AGXT2: variants seen among roughly 807,000 people sequenced by gnomAD.
AGXT2 encodes the protein alanine--glyoxylate aminotransferase 2, mitochondrial.
In AGXT2, 61 loss-of-function variants were observed where a neutral mutation model predicts 62.5. The ratio of observed to expected loss-of-function variants is 0.98; its 90% confidence interval spans 0.79 to 1.21. The LOEUF (loss-of-function observed/expected upper bound fraction) is 1.21. AGXT2 is among the 50% of genes most tolerant of loss of function. The pLI, the probability that AGXT2 is intolerant of heterozygous loss-of-function variation, is 0.00. For synonymous variants in AGXT2, 243 were observed against 218.7 expected (o/e 1.11, Z -0.98); for missense variants, 666 against 641.5 (o/e 1.04, Z -0.41).
intron 10 of AGXT2, among the ~76,000 whole-genome samples, chr5:35,013,687 C>T (rs1173327130): frequency 6.6e-6 from 1 of 150,638 alleles, no homozygotes; most frequent in Non-Finnish European, 1.5e-5. Context: ...GAGGCTGAGG[C>T]AGGAGAATTG....
At chr5:35,039,581 C>CT in intron 2 of AGXT2, 73 bp from the exon 3 acceptor site, 1 of 1,512,410 alleles carries the variant, frequency 6.6e-7, no homozygotes, top group Non-Finnish European at 9.1e-7. Context: ...AGTAACAGAG[C>CT]CCAGGCTCTC....
intron 12 of AGXT2, among the ~76,000 whole-genome samples, chr5:35,006,590 G>A (rs563066019): frequency 1.3e-5 from 2 of 152,212 alleles, no homozygotes; most frequent in South Asian, 2.1e-4. Context: ...TGAGGAATCC[G>A]CCCCCATGAT....
At chr5:35,013,857 C>A in intron 10 of AGXT2, 130 bp downstream of exon 10, 1 of 1,353,216 alleles carries the variant, frequency 7.4e-7, no homozygotes, top group Non-Finnish European at 1.1e-6. Flanking sequence ...TTCTCTCTTT[C>A]ATTTGCTTGG....
At chr5:35,015,586 A>C (rs1335454989) in intron 9 of AGXT2, among the ~76,000 whole-genome samples, 1 of 152,128 alleles carries the variant, frequency 6.6e-6, no homozygotes, top group East Asian at 1.9e-4. Context: ...ACGGTGGCTC[A>C]TGCCTGTAAT....
rs987013641 is a variant in AGXT2, at chr5:35,005,449, G to A, written c.1339-1588C>T. On this transcript the variant is annotated intron_variant, in intron 12 of 13. Coordinates refer to ENST00000231420, the MANE Select transcript of AGXT2 (RefSeq NM_031900.4). ...TCACTATGTTGGCCAGGCTGGTCTC[G>A]AACTCCTGACCTCAAGTGATCCACC... Among the ~76,000 whole-genome samples, 10 of 152,058 alleles carry A rather than the reference G, an allele frequency of 6.6e-5. No individual in the cohort carries two copies. The East Asian group carries it at 1.7e-3, about 26-fold the overall frequency.
intron 7 of AGXT2, among the ~76,000 whole-genome samples, chr5:35,028,562 A>T (rs1179934589): frequency 7.4e-4 from 3 of 4,064 alleles, no homozygotes; most frequent in African/African-American, 3.7e-3. Flanking sequence ...GAAAGGTGAG[A>T]GAGAGAGAGA....
Position 35,039,493 on chromosome 5 carries a change from G to C in AGXT2, c.193C>G (p.Arg65Gly). 1 of 1,613,850 alleles carries C rather than the reference G, an allele frequency of 6.2e-7. No homozygotes were observed. The highest frequency in any genetic ancestry group is 8.5e-7 in the Non-Finnish European group (1 of 1,179,842). ...PERYQSLGYN[R>G]VLEIHKEHLS... ...TGTTCCTTGTGGATTTCCAGGACACGGTTGTAGCCAAGGGACTGTAGATAA... is the reference window on the plus strand; with the variant it reads ...TGTTCCTTGTGGATTTCCAGGACACCGTTGTAGCCAAGGGACTGTAGATAA... Residue 65 changes from arginine (R) to glycine (G), a missense_variant, in exon 3 of 14, where the codon CGT becomes GGT. Coordinates refer to ENST00000231420, the MANE Select transcript of AGXT2 (RefSeq NM_031900.4).
chr5:35,002,440 C>T (rs1395833536), intron 13 of AGXT2, among the ~76,000 whole-genome samples: 1 of 152,158 alleles, frequency 6.6e-6, no homozygotes, highest in African/African-American at 2.4e-5. Context: ...TTTCTGGAAC[C>T]TTCAGGGAAG....
chr5:35,030,638 G>A (rs559030363), intron 7 of AGXT2, among the ~76,000 whole-genome samples: 1 of 152,342 alleles, frequency 6.6e-6, no homozygotes, highest in South Asian at 2.1e-4. Flanking sequence ...GATGACCATG[G>A]ATTTCTGGTA....
At chr5:35,031,819 T>C (rs1341538216) in intron 7 of AGXT2, among the ~76,000 whole-genome samples, 1 of 151,910 alleles carries the variant, frequency 6.6e-6, no homozygotes, top group East Asian at 1.9e-4. Flanking sequence ...GTTTTGAGAT[T>C]GCCAAAAGCA....
chr5:35,006,120 C>G (rs551673749), intron 12 of AGXT2, among the ~76,000 whole-genome samples: 1 of 152,244 alleles, frequency 6.6e-6, no homozygotes, highest in South Asian at 2.1e-4. Context: ...TGGACTTAGT[C>G]TTCTTAAACG....
intron 7 of AGXT2, 75 bp from the exon 8 acceptor site, chr5:35,026,585 G>GA: frequency 8.1e-7 from 1 of 1,234,524 alleles, no homozygotes; most frequent in Admixed American, 1.9e-5. Context: ...GAAACATGGG[G>GA]AAAAACAGGA....
intron 8 of AGXT2, 55 bp from the exon 9 acceptor site, chr5:35,025,910 T>C (rs1026942611): frequency 9.3e-6 from 14 of 1,509,288 alleles, no homozygotes; most frequent in Non-Finnish European, 1.1e-5. Context: ...CCTTTCAAAG[T>C]ATATAAAAAA....
At chr5:35,039,615 T>G (rs983416351) in intron 2 of AGXT2, 107 bp from the exon 3 acceptor site, 1 of 1,234,974 alleles carries the variant, frequency 8.1e-7, no homozygotes, top group Non-Finnish European at 1.2e-6. Flanking sequence ...AGAGGGCTGC[T>G]GGCCTGTAGA....
intron 7 of AGXT2, among the ~76,000 whole-genome samples, chr5:35,032,281 G>A (rs1767593164): frequency 6.6e-6 from 1 of 152,046 alleles, no homozygotes; most frequent in Non-Finnish European, 1.5e-5. Flanking sequence ...AGGCTGGAGT[G>A]CAGTGGCATA....
intron 1 of AGXT2, among the ~76,000 whole-genome samples, chr5:35,043,350 C>G (rs897730863): frequency 6.6e-6 from 1 of 152,074 alleles, no homozygotes; most frequent in Non-Finnish European, 1.5e-5. Context: ...GCAGTGGACA[C>G]AGTGTGATTT....
At position 35,035,394 on chromosome 5, in the gene AGXT2, G is replaced by T. The variant is rs1237058997; in HGVS notation, c.487-78C>A. ...TTCACTTAAAATTGCTGAAGGGCAG[G>T]TGTCCAGCCCCTGAGTATTAAGGAG... On this transcript the variant is annotated intron_variant, in intron 4 of 13. Transcript: ENST00000231420. The T allele has an allele frequency of 9.0e-6, 11 of 1,217,408 alleles. No homozygotes were observed. In the Admixed American group the frequency reaches 1.0e-4, roughly 11 times the overall value. The allele number at this position is 1,217,408 out of a possible 1,614,324, so 75.4% of individuals were successfully genotyped here.
At chr5:35,013,611 G>A (rs1349677040) in intron 10 of AGXT2, among the ~76,000 whole-genome samples, 4 of 152,192 alleles carry the variant, frequency 2.6e-5, no homozygotes, top group East Asian at 3.9e-4. Flanking sequence ...GTGAAACTCC[G>A]TTTCTACTAA....
At chr5:35,010,701 A>G (rs1766607136) in intron 11 of AGXT2, among the ~76,000 whole-genome samples, 1 of 152,194 alleles carries the variant, frequency 6.6e-6, no homozygotes, top group Admixed American at 6.5e-5. Flanking sequence ...CAAACAAAAA[A>G]GAATTTAGGA....
Sources: allele counts gnomAD v4.1 joint callset (sites outside exome capture counted in the v4.1 genomes callset), GRCh38; gene constraint gnomAD v4.1.1; transcripts MANE v1.5; gene names NCBI Gene and HGNC (gene_info 2026-07-23, HGNC 2026-07-21).